SLC25A42: variants seen among roughly 807,000 people sequenced by gnomAD.
The protein encoded by SLC25A42 is mitochondrial coenzyme A transporter SLC25A42.
SLC25A42 carries 19 observed loss-of-function variants against 34.7 expected under a neutral mutation model. The ratio of observed to expected loss-of-function variants is 0.55; its 90% CI spans 0.38 to 0.80. The LOEUF is 0.80. SLC25A42 is among the 30% of genes least tolerant of loss of function. The probability of loss-of-function intolerance (pLI) is 0.00; values close to 1 mark genes in which losing one functional copy is unlikely to be tolerated. For missense variants in SLC25A42, 364 were observed against 441.3 expected, an observed-to-expected ratio of 0.82 and a Z score of 1.57; for synonymous variants, 205 against 191.2, an observed-to-expected ratio of 1.07 and a Z score of -0.59.
intron 1 of SLC25A42, among the ~76,000 whole-genome samples, chr19:19,091,025 T>A (rs1452147282): frequency 6.6e-6 from 1 of 152,230 alleles, no homozygotes; most frequent in African/African-American, 2.4e-5. Flanking sequence ...ATCTTTCTGC[T>A]GTGACAAAAG....
intron 1 of SLC25A42, among the ~76,000 whole-genome samples, chr19:19,088,302 T>G (rs1410639811): frequency 6.6e-6 from 1 of 150,916 alleles, no homozygotes; most frequent in Non-Finnish European, 1.5e-5. Flanking sequence ...GCCTTCCGGG[T>G]TCACACCATT....
chr19:19,100,203 G>A (rs190601992), intron 2 of SLC25A42, among the ~76,000 whole-genome samples: 57 of 152,122 alleles, frequency 3.7e-4, no homozygotes, highest in Middle Eastern at 3.4e-3. Flanking sequence ...TTAGCCAGGC[G>A]TGGTGGTGCT....
intron 1 of SLC25A42, among the ~76,000 whole-genome samples, chr19:19,083,371 AT>A (rs2059690727): frequency 6.6e-6 from 1 of 152,250 alleles, no homozygotes; most frequent in Non-Finnish European, 1.5e-5. Flanking sequence ...GTCATGTAAG[AT>A]CACATATTCA....
chr19:19,097,173 C>G (rs571834629), intron 2 of SLC25A42, among the ~76,000 whole-genome samples: 1 of 152,316 alleles, frequency 6.6e-6, no homozygotes, highest in Non-Finnish European at 1.5e-5. Flanking sequence ...CAGAAATCAT[C>G]GCACTCCCAG....
chr19:19,110,760 G>A lies in SLC25A42; in HGVS notation c.841G>A (p.Val281Met), dbSNP rs560478326. Residue 281 changes from valine (V) to methionine (M), a missense_variant, in exon 8 of 8, where the codon GTG (valine) becomes ATG (methionine). By Grantham distance (21) the Val-to-Met change is conservative. Coordinates refer to ENST00000318596, the MANE Select transcript of SLC25A42 (RefSeq NM_178526.5). ...LRTIVREEGAVRGLYKGLSMN... is the reference protein window; with the variant it reads ...LRTIVREEGAMRGLYKGLSMN... ...CACCATCGTGCGGGAGGAGGGCGCCGTGCGCGGCCTCTACAAAGGCTTGAG... is the reference window on the plus strand; with the variant it reads ...CACCATCGTGCGGGAGGAGGGCGCCATGCGCGGCCTCTACAAAGGCTTGAG... 10 of 1,613,160 alleles carry A rather than the reference G, an allele frequency of 6.2e-6. No homozygotes were observed. In the South Asian group the frequency reaches 9.9e-5, roughly 16 times the overall value.
intron 1 of SLC25A42, among the ~76,000 whole-genome samples, chr19:19,072,802 C>T (rs552624042): frequency 6.6e-6 from 1 of 152,130 alleles, no homozygotes; most frequent in East Asian, 1.9e-4. Context: ...CCTCAACCTC[C>T]TGAGTAGCTG....
chr19:19,107,811 C>T (rs905214589), intron 6 of SLC25A42, 83 bp from the exon 7 acceptor site: 101 of 1,488,530 alleles, frequency 6.8e-5, no homozygotes, highest in Middle Eastern at 2.2e-4. Flanking sequence ...CAGCCGGCTT[C>T]GGGAGGAGCC....
At chr19:19,083,757 G>A (rs1303632931) in intron 1 of SLC25A42, among the ~76,000 whole-genome samples, 1 of 152,126 alleles carries the variant, frequency 6.6e-6, no homozygotes, top group Non-Finnish European at 1.5e-5. Context: ...CAGAAAAAGT[G>A]AAAGGGTACC....
At chr19:19,085,384 C>CT (rs11334289) in intron 1 of SLC25A42, among the ~76,000 whole-genome samples, 4,978 of 141,756 alleles carry the variant, frequency 0.035, 273 homozygotes, top group African/African-American at 0.12. Context: ...CACATTTTTT[C>CT]TTTTTTTTTT....
chr19:19,091,479 A>T (rs1197324508), intron 1 of SLC25A42, among the ~76,000 whole-genome samples: 4 of 152,180 alleles, frequency 2.6e-5, no homozygotes, highest in African/African-American at 4.8e-5. Flanking sequence ...TAAAATAAAT[A>T]AAAATAAATA....
rs1299065508 is a variant in SLC25A42, at chr19:19,103,550, G to A, written c.188-1363G>A. The stretch of plus-strand genomic sequence containing the variant: ...GTTAGAACTCAGACATAGCTTTTCA[G>A]AGGACAGAAATTAAACCCTCAACAG... On this transcript the variant is annotated intron_variant, in intron 3 of 7. Coordinates refer to ENST00000318596, the MANE Select transcript of SLC25A42 (RefSeq NM_178526.5). Among the ~76,000 whole-genome samples, 4 of 152,210 alleles carry A rather than the reference G, an allele frequency of 2.6e-5. No homozygotes were observed. The East Asian group carries it at 7.7e-4, about 29-fold the overall frequency.
chr19:19,067,171 A>G (rs2059607287), intron 1 of SLC25A42, among the ~76,000 whole-genome samples: 1 of 152,142 alleles, frequency 6.6e-6, no homozygotes, highest in Non-Finnish European at 1.5e-5. Flanking sequence ...TAGGTAAAAA[A>G]CAGCACAAGA....
Position 19,110,916 on chromosome 19 carries a change from C to T in SLC25A42, c.*40C>T. 6.2e-7 allele frequency: 1 copy of T among 1,606,544 alleles called. No individual in the cohort carries two copies. The highest frequency in any genetic ancestry group is 8.5e-7 in the Non-Finnish European group (1 of 1,175,278). Reference sequence around the variant, plus strand: ...CTCTCAGGACGGTGGACCGGTGACCCCTTTGTATTCTGGGCCCATGGAACG... The same window carrying T: ...CTCTCAGGACGGTGGACCGGTGACCTCTTTGTATTCTGGGCCCATGGAACG... On this transcript the variant is annotated 3_prime_UTR_variant, in exon 8 of 8. Coordinates refer to ENST00000318596, the MANE Select transcript of SLC25A42 (RefSeq NM_178526.5).
chr19:19,097,225 A>G (rs573939179), intron 2 of SLC25A42, among the ~76,000 whole-genome samples: 14 of 152,258 alleles, frequency 9.2e-5, no homozygotes, highest in Middle Eastern at 3.4e-3. Flanking sequence ...TTCAAAGTCC[A>G]TGGGGTCAAA....
rs561932218 is a variant in SLC25A42, at chr19:19,081,472, G to T, written c.-34-14619G>T. 2.0e-5 allele frequency among the ~76,000 whole-genome samples: 3 copies of T among 152,292 alleles called. No individual in the cohort carries two copies. The highest frequency in any genetic ancestry group is 6.5e-5 in the Admixed American group (1 of 15,296). On this transcript the variant is annotated intron_variant, in intron 1 of 7. Transcript: ENST00000318596. This position sits in a 1 kb window ranked among gnomAD's most constrained non-coding sequence, Gnocchi z 4.5. Reference sequence around the variant, plus strand: ...CCCTGGCAGTGTCATGGGACACTCAGGTGGTACCACTAGTTCTGACAACCT... The same window carrying T: ...CCCTGGCAGTGTCATGGGACACTCATGTGGTACCACTAGTTCTGACAACCT...
At chr19:19,099,635 T>A (rs949468406) in intron 2 of SLC25A42, among the ~76,000 whole-genome samples, 1 of 152,138 alleles carries the variant, frequency 6.6e-6, no homozygotes, top group African/African-American at 2.4e-5. Context: ...GGTTGCCTGT[T>A]ACACCTGAGT....
chr19:19,084,047 C>T (rs1184578250), intron 1 of SLC25A42, among the ~76,000 whole-genome samples: 3 of 150,020 alleles, frequency 2.0e-5, no homozygotes, highest in South Asian at 2.1e-4. Context: ...GGGCCCTGCA[C>T]ACACCTGACT....
intron 1 of SLC25A42, among the ~76,000 whole-genome samples, chr19:19,067,314 C>T (rs2059607824): frequency 6.6e-6 from 1 of 152,128 alleles, no homozygotes; most frequent in Admixed American, 6.5e-5. Context: ...GGGCTGGATG[C>T]AGTGGTTCAC....
intron 1 of SLC25A42, among the ~76,000 whole-genome samples, chr19:19,064,819 C>T (rs1056133460): frequency 2.6e-5 from 4 of 152,018 alleles, no homozygotes; most frequent in African/African-American, 9.7e-5. Context: ...AATAGTCCCC[C>T]AAGCCTTGGT....
Sources: gnomAD v4.1 joint callset for allele counts (sites outside exome capture counted in the v4.1 genomes callset) on GRCh38, gnomAD v4.1.1 for gene constraint, Gnocchi (gnomAD v3.1) non-coding constraint, MANE v1.5 for transcripts, NCBI Gene and HGNC (gene_info 2026-07-23, HGNC 2026-07-21) for gene names.